WNT10A: variants seen among roughly 807,000 people sequenced by gnomAD.
The protein encoded by WNT10A is Wnt family member 10A, also known as protein Wnt-10a.
WNT10A carries 37 observed loss-of-function variants against 36.1 expected under a neutral mutation model. That is an observed-to-expected ratio of 1.02 (90% CI 0.79 to 1.35). The LOEUF (loss-of-function observed/expected upper bound fraction) is 1.35, where lower values mean the gene tolerates loss of function less well. WNT10A is among the 40% of genes most tolerant of loss of function. WNT10A has a pLI of 0.00. For missense variants in WNT10A, 613 were observed against 601.4 expected (o/e 1.02, Z -0.20); for synonymous variants, 255 against 254.1 (o/e 1.00, Z -0.03).
In WNT10A at chr2:218,880,856, G is replaced by A; in HGVS notation, c.-140G>A. 9.4e-7 allele frequency: 1 copy of A among 1,060,020 alleles called. No homozygotes were observed. Among genetic ancestry groups the A allele is most frequent in the Non-Finnish European group, 1.3e-6 (1 of 781,152 alleles). The allele number at this position is 1,060,020 out of a possible 1,614,324, so 65.7% of individuals were successfully genotyped here. A position where few individuals can be genotyped will look rare whatever the true frequency, so the allele number is the denominator to read the frequency against. On this transcript the variant is annotated 5_prime_UTR_variant, in exon 1 of 4. Coordinates refer to ENST00000258411, the MANE Select transcript of WNT10A (RefSeq NM_025216.3). The surrounding 1 kb of genome is among the most constrained non-coding windows in gnomAD (Gnocchi z 7.7). ...TGGAGCGGGGAGGCGGGCGCCGTCTGCTCCGGGAGCCCTGACCCGAGTCGG... is the reference window on the plus strand; with the variant it reads ...TGGAGCGGGGAGGCGGGCGCCGTCTACTCCGGGAGCCCTGACCCGAGTCGG...
chr2:218,893,359 C>T lies in WNT10A; in HGVS notation c.*88C>T. 1 of 1,466,136 alleles carries T rather than the reference C, an allele frequency of 6.8e-7. No individual in the cohort carries two copies. Among genetic ancestry groups the T allele is most frequent in the Non-Finnish European group, 9.0e-7 (1 of 1,108,992 alleles). 90.8% of individuals were successfully genotyped at this position (1,466,136 alleles called of 1,614,324 possible). A position where few individuals can be genotyped will look rare whatever the true frequency, so the allele number is the denominator to read the frequency against. On this transcript the variant is annotated 3_prime_UTR_variant, in exon 4 of 4. Coordinates refer to ENST00000258411, the MANE Select transcript of WNT10A (RefSeq NM_025216.3). This position sits in a 1 kb window ranked among gnomAD's most constrained non-coding sequence, Gnocchi z 6.3. ...TACGGTCTTGGCAAGGCAGCATCGCCTTGGCTCTTGGGAAGAGGAGATTGG... is the reference window on the plus strand; with the variant it reads ...TACGGTCTTGGCAAGGCAGCATCGCTTTGGCTCTTGGGAAGAGGAGATTGG...
At chr2:218,881,182 C>T (rs1944509002) in intron 1 of WNT10A, 74 bp downstream of exon 1, 3 of 1,544,268 alleles carry the variant, frequency 1.9e-6, no homozygotes, top group Admixed American at 2.0e-5. Context: ...GATGCTCTTG[C>T]TGGGGTAGAG....
upstream of WNT10A, among the ~76,000 whole-genome samples, chr2:218,878,715 A>C (rs1445381615): frequency 6.6e-6 from 1 of 152,144 alleles, no homozygotes; most frequent in Admixed American, 6.5e-5. The surrounding 1 kb of genome is among the most constrained non-coding windows in gnomAD (Gnocchi z 4.1). Context: ...TGCTAGTGTG[A>C]GCGCGTGATG....
chr2:218,876,421 A>G (rs1271323113), upstream of WNT10A, among the ~76,000 whole-genome samples: 1 of 152,126 alleles, frequency 6.6e-6, no homozygotes, highest in Non-Finnish European at 1.5e-5. Flanking sequence ...ATGCCCCTGC[A>G]TTCACTCGGT....
upstream of WNT10A, among the ~76,000 whole-genome samples, chr2:218,879,154 G>C (rs1458102738): frequency 6.6e-5 from 10 of 151,522 alleles, no homozygotes; most frequent in African/African-American, 2.4e-4. Context: ...AGATGAGGGG[G>C]AAAGGAGGGG....
intron 2 of WNT10A, among the ~76,000 whole-genome samples, chr2:218,883,237 A>T (rs1159858097): frequency 6.6e-6 from 1 of 151,968 alleles, no homozygotes; most frequent in Non-Finnish European, 1.5e-5. Context: ...TGCCTCTGGG[A>T]TGGGCCTAGC....
upstream of WNT10A, among the ~76,000 whole-genome samples, chr2:218,877,490 C>G (rs1036334059): frequency 3.3e-5 from 5 of 152,316 alleles, 1 homozygote; most frequent in South Asian, 6.2e-4. The surrounding 1 kb of genome is among the most constrained non-coding windows in gnomAD (Gnocchi z 4.1). Flanking sequence ...TTCCCACCAC[C>G]ACCCACCCCT....
chr2:218,878,747 C>A (rs978928233), upstream of WNT10A, among the ~76,000 whole-genome samples: 7 of 152,154 alleles, frequency 4.6e-5, no homozygotes, highest in African/African-American at 1.7e-4. The surrounding 1 kb of genome is among the most constrained non-coding windows in gnomAD (Gnocchi z 4.1). Context: ...CATCTGTAAG[C>A]TGATTATGAG....
rs765843965 is a variant in WNT10A at position 218,882,224 on chromosome 2, A to T, written c.177A>T (p.Thr59=). ...LPPEPVLNAN[T]VCLTLPGLSR... ...CGGAGCCCGTGCTCAATGCCAACAC[A>T]GTGTGCCTAACATTGCCAGGCCTGA... The change falls in exon 2 of 4, where the codon ACA becomes ACT. Residue 59 remains threonine, a synonymous_variant. Transcript: ENST00000258411. The T allele has an allele frequency of 2.5e-6, 4 of 1,614,128 alleles. No individual in the cohort carries two copies. The East Asian group carries it at 8.9e-5, about 36-fold the overall frequency.
Position 218,882,151 on chromosome 2 carries a change from A to G in WNT10A, c.114-10A>G. ...AAAACACGTACCCACTCCACCCCAT[A>G]TGTCTGCAGGTCAGCACCCAATGAC... On this transcript the variant is annotated splice_polypyrimidine_tract_variant and intron_variant, in intron 1 of 3. Coordinates refer to ENST00000258411, the MANE Select transcript of WNT10A (RefSeq NM_025216.3). 1 of 1,613,576 alleles carries G rather than the reference A, an allele frequency of 6.2e-7. No homozygotes were observed. The highest frequency in any genetic ancestry group is 8.5e-7 in the Non-Finnish European group (1 of 1,179,628).
intron 1 of WNT10A, 58 bp downstream of exon 1, chr2:218,881,166 G>T: frequency 2.6e-6 from 4 of 1,551,060 alleles, no homozygotes; most frequent in East Asian, 4.9e-5. Flanking sequence ...GCCTGCAGGG[G>T]CCTCTGATGC....
intron 1 of WNT10A, 46 bp downstream of exon 1, chr2:218,881,154 C>G: frequency 6.4e-7 from 1 of 1,556,772 alleles, no homozygotes; most frequent in Non-Finnish European, 8.7e-7. Flanking sequence ...GTTGGGACCC[C>G]GGCCTGCAGG....
chr2:218,883,940 G>A (rs966083311), intron 2 of WNT10A: 1 of 152,400 alleles, frequency 6.6e-6, no homozygotes, highest in African/African-American at 2.4e-5. Flanking sequence ...TCCTACCCTC[G>A]GGTTTCTAGG....
chr2:218,886,634 C>A (rs1047418489), intron 2 of WNT10A, among the ~76,000 whole-genome samples: 2 of 139,246 alleles, frequency 1.4e-5, no homozygotes, highest in African/African-American at 5.2e-5. Context: ...CCCCACCCAC[C>A]CCCCCACCGC....
chr2:218,874,261 C>A, the WNT10A span: 1 of 175,108 alleles, frequency 5.7e-6, no homozygotes, highest in Non-Finnish European at 1.2e-5. Context: ...TTGGGGGAGA[C>A]TGATCTTCAG....
At position 218,893,131 on chromosome 2, in the gene WNT10A, T is replaced by C. The variant is rs1487577386; in HGVS notation, c.1114T>C (p.Cys372Arg). ...CNKSSAGSDG[C>R]GSMCCGRGHN... is the part of the protein sequence containing the mutation. ...CAAGAGCAGCGCCGGCTCGGATGGC[T>C]GCGGCAGCATGTGCTGCGGCCGCGG... Residue 372 changes from cysteine (C) to arginine (R), a missense_variant, in exon 4 of 4, where the codon TGC becomes CGC. Transcript: ENST00000258411. This position sits in a 1 kb window ranked among gnomAD's most constrained non-coding sequence, Gnocchi z 6.3. The C allele has an allele frequency of 1.3e-6, 2 of 1,593,324 alleles. No individual in the cohort carries two copies. The highest frequency in any genetic ancestry group is 2.7e-5 in the African/African-American group (2 of 74,830).
chr2:218,892,628 G>A, intron 3 of WNT10A, 146 bp from the exon 4 acceptor site: 1 of 1,314,940 alleles, frequency 7.6e-7, no homozygotes, highest in South Asian at 1.4e-5. Flanking sequence ...AAGTTCTTCT[G>A]ACTGCCTGGT....
upstream of WNT10A, among the ~76,000 whole-genome samples, chr2:218,877,497 C>G (rs1944463488): frequency 6.6e-6 from 1 of 152,202 alleles, no homozygotes; most frequent in African/African-American, 2.4e-5. This position sits in a 1 kb window ranked among gnomAD's most constrained non-coding sequence, Gnocchi z 4.1. Flanking sequence ...CACCACCCAC[C>G]CCTGCTCATC....
At chr2:218,881,355 T>G in intron 1 of WNT10A, among the ~76,000 whole-genome samples, 1 of 151,134 alleles carries the variant, frequency 6.6e-6, no homozygotes, top group Admixed American at 6.6e-5. Flanking sequence ...AGGGGAGGTG[T>G]GTGTGGGGGG....
Sources: allele counts gnomAD v4.1 joint callset (sites outside exome capture counted in the v4.1 genomes callset), GRCh38; gene constraint gnomAD v4.1.1; non-coding constraint Gnocchi (gnomAD v3.1); transcripts MANE v1.5; gene names NCBI Gene and HGNC (gene_info 2026-07-23, HGNC 2026-07-21).